TXLNB: variants seen among roughly 807,000 people sequenced by gnomAD.
TXLNB encodes beta-taxilin.
Under a neutral mutation model 57.4 loss-of-function variants are expected in TXLNB, and 37 were observed. That is an observed-to-expected ratio of 0.64 (90% CI 0.50 to 0.85). TXLNB has a LOEUF of 0.85. Ranked by LOEUF, TXLNB falls within the 40% of genes least tolerant of loss-of-function variation. The pLI is 0.00. For missense variants in TXLNB, 848 were observed against 825.6 expected, an observed-to-expected ratio of 1.03 and a Z score of -0.33; for synonymous variants, 302 against 309.6, an observed-to-expected ratio of 0.98 and a Z score of 0.26.
the TXLNB span, among the ~76,000 whole-genome samples, chr6:139,184,035 A>T: frequency 7.2e-5 from 11 of 152,168 alleles, no homozygotes; most frequent in Non-Finnish European, 1.0e-4. Flanking sequence ...GCTTTCAGAG[A>T]GCTGCACATT....
chr6:139,162,841 A>G, the TXLNB span, among the ~76,000 whole-genome samples: 2 of 152,088 alleles, frequency 1.3e-5, no homozygotes, highest in African/African-American at 4.8e-5. Context: ...TCCCTCTCAT[A>G]TGTCTTTAAG....
At chr6:139,173,769 T>G in the TXLNB span, among the ~76,000 whole-genome samples, 12 of 152,224 alleles carry the variant, frequency 7.9e-5, no homozygotes, top group Non-Finnish European at 1.8e-4. Flanking sequence ...GTTGTAACTT[T>G]TAAGAGCTCG....
the TXLNB span, among the ~76,000 whole-genome samples, chr6:139,191,822 G>A: frequency 6.6e-6 from 1 of 152,096 alleles, no homozygotes; most frequent in Non-Finnish European, 1.5e-5. Flanking sequence ...CAACCACAGG[G>A]ACGCGAGACA....
At chr6:139,217,517 A>G in the TXLNB span, among the ~76,000 whole-genome samples, 5 of 152,228 alleles carry the variant, frequency 3.3e-5, no homozygotes, top group African/African-American at 1.2e-4. Flanking sequence ...ACACTTTAGC[A>G]GGATTAACGT....
intron 2 of TXLNB, among the ~76,000 whole-genome samples, chr6:139,287,625 A>G (rs538994708): frequency 6.6e-6 from 1 of 152,250 alleles, no homozygotes; most frequent in East Asian, 1.9e-4. Context: ...GGTGATGCTA[A>G]CTCTACCTGG....
Position 139,242,862 on chromosome 6 carries a change from A to T in TXLNB, c.1719T>A (p.Pro573=). Residue 573 remains proline, a synonymous_variant, in exon 10 of 10, where the codon CCT becomes CCA. Transcript: ENST00000358430. ...AEAEGGSDAE[P]PSKASNSPAG... The stretch of plus-strand genomic sequence containing the variant: ...CAGGAGAATTACTGGCCTTGGAGGG[A>T]GGTTCAGCATCACTGCCTCCTTCGG... 1.2e-6 allele frequency: 2 copies of T among 1,613,906 alleles called. No homozygotes were observed. The highest frequency in any genetic ancestry group is 2.7e-5 in the African/African-American group (2 of 74,952).
the TXLNB span, among the ~76,000 whole-genome samples, chr6:139,220,190 G>T: frequency 1.3e-5 from 2 of 152,138 alleles, no homozygotes. Flanking sequence ...ATGAGAAGAT[G>T]GCTGTCTATG....
intron 3 of TXLNB, among the ~76,000 whole-genome samples, chr6:139,276,158 A>G (rs1776889746): frequency 6.6e-6 from 1 of 152,240 alleles, no homozygotes; most frequent in Non-Finnish European, 1.5e-5. Context: ...CCACTCCTAT[A>G]GTATTCTGGT....
chr6:139,316,301 C>T, the TXLNB span, among the ~76,000 whole-genome samples: 40 of 152,356 alleles, frequency 2.6e-4, no homozygotes, highest in Admixed American at 2.2e-3. Context: ...CAAGAACCCC[C>T]ACCTTTAATA....
chr6:139,227,680 C>T, the TXLNB span, among the ~76,000 whole-genome samples: 1 of 152,184 alleles, frequency 6.6e-6, no homozygotes, highest in Non-Finnish European at 1.5e-5. Context: ...TATATTCATA[C>T]TATAGATCAC....
chr6:139,277,926 G>T (rs1776942065), intron 2 of TXLNB, among the ~76,000 whole-genome samples: 1 of 152,110 alleles, frequency 6.6e-6, no homozygotes, highest in African/African-American at 2.4e-5. Context: ...TAGAGTACTT[G>T]CTTTCATCTT....
chr6:139,268,235 TA>T (rs1194128102), intron 4 of TXLNB, among the ~76,000 whole-genome samples: 1 of 149,316 alleles, frequency 6.7e-6, no homozygotes, highest in Non-Finnish European at 1.5e-5. Flanking sequence ...ATAATAATCA[TA>T]AATGTATATA....
intron 2 of TXLNB, among the ~76,000 whole-genome samples, chr6:139,286,117 T>C (rs1015055180): frequency 2.0e-5 from 3 of 152,194 alleles, no homozygotes; most frequent in Admixed American, 6.5e-5. Flanking sequence ...ATGATGTGTA[T>C]ACACTATTAC....
the TXLNB span, among the ~76,000 whole-genome samples, chr6:139,159,455 C>G: frequency 5.3e-5 from 8 of 151,580 alleles, no homozygotes; most frequent in African/African-American, 1.9e-4. Flanking sequence ...GTCTTTTTTT[C>G]CTCCTTTAAA....
At chr6:139,318,939 C>CTTT in the TXLNB span, among the ~76,000 whole-genome samples, 30 of 120,332 alleles carry the variant, frequency 2.5e-4, no homozygotes, top group Non-Finnish European at 3.0e-4. Context: ...GTCTTCCTTC[C>CTTT]TTTTTTTTTT....
At chr6:139,220,095 G>A in the TXLNB span, among the ~76,000 whole-genome samples, 4 of 152,160 alleles carry the variant, frequency 2.6e-5, no homozygotes, top group Non-Finnish European at 1.5e-5. Flanking sequence ...AGATCATGGG[G>A]GTGGACCCCT....
the TXLNB span, among the ~76,000 whole-genome samples, chr6:139,189,880 C>T: frequency 1.3e-5 from 2 of 152,174 alleles, no homozygotes; most frequent in Admixed American, 6.5e-5. Flanking sequence ...ATGTAAATGT[C>T]ACTCCAAGTA....
chr6:139,183,509 T>C, the TXLNB span: 1 of 152,226 alleles, frequency 6.6e-6, no homozygotes, highest in African/African-American at 2.4e-5. Flanking sequence ...TGGTGTTTAC[T>C]GATTTCATTT....
chr6:139,173,817 C>G, the TXLNB span, among the ~76,000 whole-genome samples: 1 of 152,108 alleles, frequency 6.6e-6, no homozygotes, highest in Non-Finnish European at 1.5e-5. Flanking sequence ...TAAAAAATTA[C>G]GAGTAAGATA....
Sources: allele counts gnomAD v4.1 joint callset (sites outside exome capture counted in the v4.1 genomes callset), GRCh38; gene constraint gnomAD v4.1.1; transcripts MANE v1.5; gene names NCBI Gene and HGNC (gene_info 2026-07-23, HGNC 2026-07-21).